KATNIP: variants seen among roughly 807,000 people sequenced by gnomAD.
The protein encoded by KATNIP is katanin interacting protein.
Under a neutral mutation model 174.0 loss-of-function variants are expected in KATNIP, and 126 were observed. That is an observed-to-expected ratio of 0.72 (90% confidence interval 0.63 to 0.84). The LOEUF (loss-of-function observed/expected upper bound fraction) is 0.84, where lower values mean the gene tolerates loss of function less well. KATNIP is among the 40% of genes least tolerant of loss of function. The pLI, the probability that KATNIP is intolerant of heterozygous loss-of-function variation, is 0.00. For synonymous variants in KATNIP, 810 were observed against 835.7 expected, an observed-to-expected ratio of 0.97 and a Z score of 0.53; for missense variants, 1,958 against 2,109.7, an observed-to-expected ratio of 0.93 and a Z score of 1.41.
intron 7 of KATNIP, chr16:27,678,819 C>T (rs370320965): frequency 3.9e-5 from 6 of 152,196 alleles, no homozygotes; most frequent in East Asian, 1.9e-4. Context: ...GATGCTGGCA[C>T]GCAGAGACAG....
intron 5 of KATNIP, among the ~76,000 whole-genome samples, chr16:27,643,684 A>C (rs2076872855): frequency 6.6e-6 from 1 of 151,454 alleles, no homozygotes; most frequent in South Asian, 2.1e-4. Context: ...GTAGTGTGAA[A>C]GCGTTGATGG....
chr16:27,635,024 TGAA>T (rs1374912422), intron 5 of KATNIP, among the ~76,000 whole-genome samples: 3 of 152,066 alleles, frequency 2.0e-5, no homozygotes, highest in African/African-American at 7.2e-5. Context: ...GACAGGGAGA[TGAA>T]GAAGCTGTGT....
intron 4 of KATNIP, among the ~76,000 whole-genome samples, chr16:27,629,656 A>C (rs1354139703): frequency 6.6e-6 from 1 of 152,224 alleles, no homozygotes; most frequent in Non-Finnish European, 1.5e-5. Context: ...ACAGCAGAGC[A>C]CGTGGAGTCA....
intron 1 of KATNIP, among the ~76,000 whole-genome samples, chr16:27,561,651 C>A (rs1156470808): frequency 6.6e-6 from 1 of 152,142 alleles, no homozygotes. Context: ...CAGGGCCCAC[C>A]ACATTTTTCT....
At chr16:27,608,048 C>T (rs1052747835) in intron 2 of KATNIP, among the ~76,000 whole-genome samples, 1 of 152,160 alleles carries the variant, frequency 6.6e-6, no homozygotes, top group Admixed American at 6.5e-5. Flanking sequence ...GCAGCTCAGG[C>T]TTCTGCATTC....
At chr16:27,716,448 T>C (rs1329771801) in intron 13 of KATNIP, among the ~76,000 whole-genome samples, 1 of 152,020 alleles carries the variant, frequency 6.6e-6, no homozygotes, top group Non-Finnish European at 1.5e-5. Flanking sequence ...AATGGCGAAC[T>C]TTATGCTATA....
rs936027065 is a variant in KATNIP, at chr16:27,703,429, C to G, written c.1287-467C>G. The stretch of plus-strand genomic sequence containing the variant: ...CAGAGCAGATCTCCAGCCCAGGAGT[C>G]AGCAAATTGTTGCTATAAAGGGCCA... On this transcript the variant is annotated intron_variant, in intron 11 of 27. Coordinates refer to ENST00000261588, the MANE Select transcript of KATNIP (RefSeq NM_015202.5). 1.2e-4 allele frequency among the ~76,000 whole-genome samples: 18 copies of G among 152,338 alleles called. 1 individual carries two copies. The highest frequency in any genetic ancestry group is 1.2e-3 in the Admixed American group (18 of 15,308).
chr16:27,599,721 T>C (rs1253926534), intron 2 of KATNIP, among the ~76,000 whole-genome samples: 1 of 152,194 alleles, frequency 6.6e-6, no homozygotes, highest in Non-Finnish European at 1.5e-5. Context: ...ACCCCTTTCT[T>C]ACTCCAACTT....
In KATNIP at chr16:27,701,620, A is replaced by C. The variant is rs767734183; in HGVS notation, c.1211A>C (p.Gln404Pro). 6.2e-7 allele frequency: 1 copy of C among 1,604,884 alleles called. No individual in the cohort carries two copies. Among genetic ancestry groups the C allele is most frequent in the Non-Finnish European group, 8.5e-7 (1 of 1,176,242 alleles). The change falls in exon 11 of 28, where the codon CAG (glutamine) becomes CCG (proline). Residue 404 changes from glutamine (Q) to proline (P), a missense_variant. By Grantham distance (76) the Gln-to-Pro change is moderately conservative (BLOSUM62 -1). Transcript: ENST00000261588. ...CCCATCACCACGGCGACTACTACTC[A>C]GGAGCCGGCCGGGGCAGCAGGAGGA... ...LLPITTATTT[Q>P]EPAGAAGGAR...
chr16:27,708,979 C>T, intron 13 of KATNIP, 59 bp downstream of exon 13: 1 of 1,383,146 alleles, frequency 7.2e-7, no homozygotes, highest in Middle Eastern at 2.6e-4. Context: ...ATTTTCTCTG[C>T]CCTTGGTAAA....
At chr16:27,749,167 C>T (rs983041351) in intron 15 of KATNIP, among the ~76,000 whole-genome samples, 1 of 152,224 alleles carries the variant, frequency 6.6e-6, no homozygotes, top group African/African-American at 2.4e-5. Context: ...CTAACACAGC[C>T]AAGTAGTCTT....
In KATNIP at chr16:27,698,310, CCT is replaced by C. The variant is rs781448050; in HGVS notation, c.941-17_941-16del. ...AGAATATAATCTAAAAGAACGTCCC[CCT>C]GTCTTCTGCCCTCAGGACCTGGAAG... On this transcript the variant is annotated splice_polypyrimidine_tract_variant and intron_variant, in intron 8 of 27. Transcript: ENST00000261588. 21 of 1,596,520 alleles carry C rather than the reference CCT, an allele frequency of 1.3e-5. No individual in the cohort carries two copies. The East Asian group carries it at 2.7e-4, about 21-fold the overall frequency.
In KATNIP at chr16:27,774,952, G is replaced by C. The variant is rs374775324; in HGVS notation, c.4317G>C (p.Ala1439=). The part of the protein sequence containing the change: ...EKIPLSENNI[A]AFPDSVNSLE... ...ACTTAGACGTCTCCTCAGATATTGC[G>C]GCCTTCCCCGACAGCGTGAACTCCC... is the stretch of plus-strand genomic sequence containing the variant. Residue 1439 remains alanine, a synonymous_variant, in exon 24 of 28, where the codon GCG becomes GCC. Transcript: ENST00000261588. The C allele has an allele frequency of 1.9e-6, 3 of 1,613,734 alleles. No homozygotes were observed. The highest frequency in any genetic ancestry group is 2.7e-5 in the African/African-American group (2 of 74,910).
At chr16:27,709,824 A>T (rs571454717) in intron 13 of KATNIP, among the ~76,000 whole-genome samples, 1 of 152,178 alleles carries the variant, frequency 6.6e-6, no homozygotes, top group African/African-American at 2.4e-5. Flanking sequence ...GCAGTTTTCC[A>T]CAGTCACCAT....
At chr16:27,723,386 C>T (rs752292890) in intron 14 of KATNIP, among the ~76,000 whole-genome samples, 1 of 151,808 alleles carries the variant, frequency 6.6e-6, no homozygotes, top group Non-Finnish European at 1.5e-5. Context: ...CCCCCCTCCA[C>T]CCCCATCTCA....
intron 19 of KATNIP, among the ~76,000 whole-genome samples, chr16:27,764,691 C>T (rs940683474): frequency 2.0e-5 from 3 of 152,192 alleles, no homozygotes; most frequent in South Asian, 2.1e-4. Flanking sequence ...CTTTCACTGT[C>T]GGCTACAAAT....
chr16:27,749,459 C>T, intron 15 of KATNIP, 125 bp from the exon 16 acceptor site: 1 of 1,177,106 alleles, frequency 8.5e-7, no homozygotes, highest in East Asian at 2.5e-5. Context: ...CCGCTGGTTT[C>T]TAGAGGGCTC....
intron 14 of KATNIP, among the ~76,000 whole-genome samples, chr16:27,733,854 A>C (rs975066653): frequency 1.3e-5 from 2 of 152,118 alleles, no homozygotes; most frequent in African/African-American, 4.8e-5. Context: ...AGACTCGCAG[A>C]ATCTTCCATC....
chr16:27,636,785 C>T (rs2076650268), intron 5 of KATNIP, among the ~76,000 whole-genome samples: 1 of 152,286 alleles, frequency 6.6e-6, no homozygotes, highest in Middle Eastern at 3.4e-3. Flanking sequence ...TGGAGCTGGC[C>T]GTGTAACCAC....
Sources: gnomAD v4.1 joint callset for allele counts (sites outside exome capture counted in the v4.1 genomes callset) on GRCh38, gnomAD v4.1.1 for gene constraint, MANE v1.5 for transcripts, NCBI Gene and HGNC (gene_info 2026-07-23, HGNC 2026-07-21) for gene names.